Variants in DNAH6 observed in about 807,000 individuals in gnomAD.
DNAH6 encodes the protein axonemal beta dynein heavy chain 6.
A neutral mutation model predicts 491.4 loss-of-function variants in DNAH6; 340 were observed. The ratio of observed to expected loss-of-function variants is 0.69; its 90% CI spans 0.63 to 0.76. The LOEUF (loss-of-function observed/expected upper bound fraction) is 0.76, where lower values mean the gene tolerates loss of function less well. Ranked by LOEUF, DNAH6 falls within the 30% of genes least tolerant of loss-of-function variation. The probability of loss-of-function intolerance (pLI) is 0.00; values close to 1 mark genes in which losing one functional copy is unlikely to be tolerated. For synonymous variants in DNAH6, 1,603 were observed against 1,686.1 expected (o/e 0.95, Z 1.21); for missense variants, 4,443 against 4,972.2 (o/e 0.89, Z 3.20).
chr2:84,491,808 T>A, the DNAH6 span, among the ~76,000 whole-genome samples: 1 of 152,158 alleles, frequency 6.6e-6, no homozygotes, highest in Non-Finnish European at 1.5e-5. Flanking sequence ...CTAACAGTCT[T>A]TAGTTGTCTG....
chr2:84,691,451 A>G (rs1324571153), intron 45 of DNAH6, among the ~76,000 whole-genome samples: 1 of 152,220 alleles, frequency 6.6e-6, no homozygotes, highest in Non-Finnish European at 1.5e-5. Flanking sequence ...GCAAATAGAC[A>G]TCTGATGTGT....
rs1173250637 is a variant in DNAH6 at position 84,701,348 on chromosome 2, A to G, written c.8061+9A>G. ...GGAAGCAGATTATTTCAGTAGGTTC[A>G]ATATTATCCATGAAAATATTGTTTT... On this transcript the variant is annotated intron_variant, in intron 49 of 76. Coordinates refer to ENST00000389394, the MANE Select transcript of DNAH6 (RefSeq NM_001370.2). The G allele has an allele frequency of 4.6e-6, 7 of 1,538,328 alleles. No individual in the cohort carries two copies. The highest frequency in any genetic ancestry group is 6.2e-6 in the Non-Finnish European group (7 of 1,137,548).
rs1309460431 is a variant in DNAH6 at position 84,577,279 on chromosome 2, A to T, written c.1947A>T (p.Gln649His). The T allele has an allele frequency of 6.3e-7, 1 of 1,587,858 alleles. No homozygotes were observed. The highest frequency in any genetic ancestry group is 2.3e-5 in the East Asian group (1 of 44,394). The change falls in exon 13 of 77, where the codon CAA (glutamine) becomes CAT (histidine). Residue 649 changes from glutamine to histidine, a missense_variant. Transcript: ENST00000389394. The part of the protein sequence containing the change: ...QEPDINFFSE[Q>H]LEKYHKQHKD... The stretch of plus-strand genomic sequence containing the variant: ...TAGATATTAACTTTTTTAGTGAACA[A>T]CTGGAAAAATATCACAAACAGCACA...
rs184617830 is a variant in DNAH6 at position 84,640,534 on chromosome 2, C to G, written c.4926C>G (p.Tyr1642Ter). ...CSEQLSQQDH[Y>*]DFGMRAVKSV... ...AGCAGCTGTCTCAGCAGGATCACTACGACTTTGGCATGAGAGCTGTGAAGT... is the reference window on the plus strand; with the variant it reads ...AGCAGCTGTCTCAGCAGGATCACTAGGACTTTGGCATGAGAGCTGTGAAGT... The change falls in exon 32 of 77, where the codon TAC becomes TAG. Residue 1642 changes from tyrosine to a stop codon, truncating the protein, a stop_gained. Transcript: ENST00000389394. LOFTEE classifies it high-confidence loss of function. The G allele has an allele frequency of 4.0e-5, 62 of 1,550,994 alleles. No homozygotes were observed. The highest frequency in any genetic ancestry group is 5.9e-5 in the Admixed American group (3 of 50,948).
intron 11 of DNAH6, among the ~76,000 whole-genome samples, chr2:84,563,895 G>A (rs1338359910): frequency 6.6e-6 from 1 of 152,182 alleles, no homozygotes; most frequent in Non-Finnish European, 1.5e-5. Flanking sequence ...TAGAGGTGCA[G>A]TTTCTTTCTT....
intron 33 of DNAH6, among the ~76,000 whole-genome samples, chr2:84,648,589 A>G (rs182336216): frequency 2.1e-3 from 313 of 152,324 alleles, no homozygotes; most frequent in African/African-American, 7.0e-3. Flanking sequence ...ACCTCAGTGG[A>G]GGAAGTAACT....
chr2:84,522,551 C>T (rs1023823096), intron 2 of DNAH6, among the ~76,000 whole-genome samples: 13 of 151,968 alleles, frequency 8.6e-5, no homozygotes, highest in African/African-American at 2.4e-4. Flanking sequence ...TATCTTGTGC[C>T]GGTTTTCAAG....
chr2:84,738,153 G>T (rs1054055009), intron 62 of DNAH6, among the ~76,000 whole-genome samples: 2 of 151,974 alleles, frequency 1.3e-5, no homozygotes, highest in Non-Finnish European at 2.9e-5. Flanking sequence ...TAATTTTATG[G>T]TTTTGAGAGA....
intron 11 of DNAH6, among the ~76,000 whole-genome samples, chr2:84,560,375 A>G (rs554042705): frequency 6.6e-6 from 1 of 152,170 alleles, no homozygotes; most frequent in Admixed American, 6.5e-5. Context: ...TGGAAAGAAA[A>G]TGTGAATCAA....
At chr2:84,757,488 T>C (rs1674153141) in intron 63 of DNAH6, among the ~76,000 whole-genome samples, 1 of 152,194 alleles carries the variant, frequency 6.6e-6, no homozygotes, top group Non-Finnish European at 1.5e-5. Context: ...TCCATACTCC[T>C]GCCATCTCAG....
intron 61 of DNAH6, among the ~76,000 whole-genome samples, chr2:84,731,557 C>A (rs1033246370): frequency 6.6e-6 from 1 of 152,162 alleles, no homozygotes; most frequent in African/African-American, 2.4e-5. Flanking sequence ...ATTGTCATGC[C>A]CCTGGCTTGG....
intron 37 of DNAH6, 56 bp from the exon 38 acceptor site, chr2:84,669,233 T>C: frequency 3.0e-6 from 4 of 1,314,552 alleles, no homozygotes; most frequent in Non-Finnish European, 3.2e-6. Flanking sequence ...TATCTACTAC[T>C]GTGTGTCAAT....
intron 63 of DNAH6, among the ~76,000 whole-genome samples, chr2:84,754,840 A>C (rs767755214): frequency 3.9e-5 from 6 of 152,210 alleles, no homozygotes; most frequent in Non-Finnish European, 5.9e-5. Context: ...AGATTTTGAT[A>C]AGAATGGCAT....
At chr2:84,679,176 A>G (rs1041538056) in intron 41 of DNAH6, among the ~76,000 whole-genome samples, 2 of 152,142 alleles carry the variant, frequency 1.3e-5, no homozygotes, top group Non-Finnish European at 2.9e-5. Context: ...TAGTACATGT[A>G]TATTATATAT....
the DNAH6 span, among the ~76,000 whole-genome samples, chr2:84,505,861 A>G: frequency 6.6e-6 from 1 of 152,130 alleles, no homozygotes; most frequent in African/African-American, 2.4e-5. Context: ...TTCCAGCTTC[A>G]TCCATGTCCC....
In DNAH6 at chr2:84,619,732, C is replaced by T. The variant is rs1423409376; in HGVS notation, c.3620C>T (p.Thr1207Ile). 12 of 1,551,624 alleles carry T rather than the reference C, an allele frequency of 7.7e-6. No individual in the cohort carries two copies. The highest frequency in any genetic ancestry group is 1.0e-5 in the Non-Finnish European group (12 of 1,146,834). The change falls in exon 24 of 77, where the codon ACA becomes ATA. Residue 1207 changes from threonine (T) to isoleucine (I), a missense_variant. Thr to Ile is a moderately conservative substitution (Grantham distance 89, BLOSUM62 -1). Coordinates refer to ENST00000389394, the MANE Select transcript of DNAH6 (RefSeq NM_001370.2). The part of the protein sequence containing the change: ...NDELLEILAQ[T>I]RNPQAVQPHL... Reference sequence around the variant, plus strand: ...GAACTTCTGGAGATTTTGGCCCAGACACGAAATCCACAGGCCGTGCAGCCA... The same window carrying T: ...GAACTTCTGGAGATTTTGGCCCAGATACGAAATCCACAGGCCGTGCAGCCA...
At chr2:84,589,048 A>C (rs762322070) in intron 16 of DNAH6, 94 bp downstream of exon 16, 2 of 1,157,618 alleles carry the variant, frequency 1.7e-6, no homozygotes, top group Non-Finnish European at 2.3e-6. Context: ...TAAACATTCA[A>C]TATTTGGACA....
intron 71 of DNAH6, among the ~76,000 whole-genome samples, chr2:84,806,525 A>G (rs988278906): frequency 1.3e-5 from 2 of 149,660 alleles, no homozygotes; most frequent in Non-Finnish European, 3.0e-5. Flanking sequence ...AGGCTGAGGC[A>G]GGAGAATGGT....
In DNAH6 at chr2:84,718,210, G is replaced by C; in HGVS notation, c.9618G>C (p.Val3206=). ...ATCTGAACTTTGGTTTTAGTGATGT[G>C]GTGCGACTTGAAAAACCCAGGTTGG... ...SGLEDQLLSD[V]VRLEKPRLEE... is the part of the protein sequence containing the mutation. The change falls in exon 59 of 77, where the codon GTG becomes GTC. Residue 3206 remains valine (V), a synonymous_variant. Transcript: ENST00000389394. The C allele has an allele frequency of 6.5e-7, 1 of 1,529,494 alleles. No homozygotes were observed. Among genetic ancestry groups the C allele is most frequent in the East Asian group, 2.5e-5 (1 of 40,318 alleles). 94.7% of individuals were successfully genotyped at this position (1,529,494 alleles called of 1,614,324 possible). A position where few individuals can be genotyped will look rare whatever the true frequency, so the allele number is the denominator to read the frequency against.
Sources: gnomAD v4.1 joint callset for allele counts (sites outside exome capture counted in the v4.1 genomes callset) on GRCh38, gnomAD v4.1.1 for gene constraint, MANE v1.5 for transcripts, NCBI Gene and HGNC (gene_info 2026-07-23, HGNC 2026-07-21) for gene names.